Variants in MAPK8 observed in about 807,000 individuals in gnomAD.
MAPK8 encodes JUN N-terminal kinase.
In MAPK8, 13 loss-of-function variants were observed where a neutral mutation model predicts 52.9. The ratio of observed to expected loss-of-function variants is 0.25; its 90% CI spans 0.16 to 0.39. MAPK8 has a LOEUF of 0.39. Among genes scored for constraint, MAPK8 ranks in the 10% least tolerant of loss-of-function variants. The pLI, the probability that MAPK8 is intolerant of heterozygous loss-of-function variation, is 1.00. For synonymous variants in MAPK8, 191 were observed against 169.8 expected (o/e 1.12, Z -0.97); for missense variants, 300 against 519.2 (o/e 0.58, Z 4.10).
At chr10:48,390,933 A>G (rs1361702310) in intron 1 of MAPK8, among the ~76,000 whole-genome samples, 1 of 152,248 alleles carries the variant, frequency 6.6e-6, no homozygotes, top group Non-Finnish European at 1.5e-5. Flanking sequence ...TAGTCTGATA[A>G]TAAAATCTGC....
At chr10:48,341,153 G>A (rs368957979) in intron 1 of MAPK8, among the ~76,000 whole-genome samples, 11 of 152,192 alleles carry the variant, frequency 7.2e-5, no homozygotes, top group African/African-American at 2.2e-4. Context: ...AAGAACTGCT[G>A]TTCTAAAATA....
At chr10:48,416,260 C>T (rs537447440) in intron 5 of MAPK8, among the ~76,000 whole-genome samples, 4 of 152,232 alleles carry the variant, frequency 2.6e-5, no homozygotes, top group South Asian at 2.1e-4. Context: ...GTCACTTTGT[C>T]GGAAAGAGAA....
chr10:48,338,689 C>T (rs1046933335), intron 1 of MAPK8, among the ~76,000 whole-genome samples: 1 of 152,062 alleles, frequency 6.6e-6, no homozygotes, highest in African/African-American at 2.4e-5. Context: ...AAAGATTCCC[C>T]GAAAGACTCC....
chr10:48,354,136 T>A (rs1025761385), intron 1 of MAPK8, among the ~76,000 whole-genome samples: 3 of 152,098 alleles, frequency 2.0e-5, no homozygotes, highest in Admixed American at 1.3e-4. Flanking sequence ...TTCCTTTGAA[T>A]CTAAAATTAT....
rs1402727889 is a variant in MAPK8, at chr10:48,333,270, G to A, written c.-50+26449G>A. Among the ~76,000 whole-genome samples the A allele has an allele frequency of 8.2e-4, 125 of 152,210 alleles. 1 individual carries two copies. The highest frequency in any genetic ancestry group is 1.6e-4 in the Non-Finnish European group (11 of 68,036). On this transcript the variant is annotated intron_variant, in intron 1 of 11. Coordinates refer to ENST00000374189, the MANE Select transcript of MAPK8 (RefSeq NM_001323329.2). ...CTCATATTTTAGAATCCGAGAATCA[G>A]TTAACCATCTTCCAGCTCTTTGATT...
At chr10:48,313,187 C>T (rs1842141566) in intron 1 of MAPK8, among the ~76,000 whole-genome samples, 1 of 152,174 alleles carries the variant, frequency 6.6e-6, no homozygotes, top group Non-Finnish European at 1.5e-5. Context: ...AATCTGAGCA[C>T]TTTGGGAGGC....
intron 1 of MAPK8, among the ~76,000 whole-genome samples, chr10:48,399,233 G>A (rs978195746): frequency 6.6e-6 from 1 of 152,166 alleles, no homozygotes; most frequent in East Asian, 1.9e-4. Flanking sequence ...TTCTGTCCTA[G>A]CTGCAACACT....
intron 1 of MAPK8, among the ~76,000 whole-genome samples, chr10:48,398,163 G>A (rs2041982833): frequency 6.6e-6 from 1 of 151,884 alleles, no homozygotes. Flanking sequence ...AAAATAAAAA[G>A]ACATTGTTAA....
In MAPK8 at chr10:48,436,848, T is replaced by TA. The variant is rs2044887423; in HGVS notation, c.*1820dup. 3.9e-5 allele frequency: 6 copies of TA among 152,340 alleles called. No individual in the cohort carries two copies. The highest frequency in any genetic ancestry group is 1.4e-4 in the African/African-American group (6 of 41,572). The allele number at this position is 152,340 out of a possible 1,614,324, so 9.4% of individuals were successfully genotyped here. A position where few individuals can be genotyped will look rare whatever the true frequency, so the allele number is the denominator to read the frequency against. On this transcript the variant is annotated 3_prime_UTR_variant, in exon 12 of 12. Coordinates refer to ENST00000374189, the MANE Select transcript of MAPK8 (RefSeq NM_001323329.2). ...GGTGCATTAATTTGATTAGGCAAAT[T>TA]AGAGTTCTAAGACACTTCTTGAATT...
intron 1 of MAPK8, among the ~76,000 whole-genome samples, chr10:48,387,568 T>A (rs1239864473): frequency 1.3e-5 from 2 of 152,176 alleles, no homozygotes; most frequent in African/African-American, 2.4e-5. Context: ...CTTATGGTAG[T>A]GACATTTTAT....
intron 1 of MAPK8, among the ~76,000 whole-genome samples, chr10:48,333,682 G>A (rs1844363659): frequency 6.6e-6 from 1 of 152,232 alleles, no homozygotes; most frequent in Non-Finnish European, 1.5e-5. Context: ...AAGAAGAAGG[G>A]GTGGGGACAC....
intron 11 of MAPK8, among the ~76,000 whole-genome samples, chr10:48,432,221 A>G (rs78105709): frequency 6.6e-6 from 1 of 152,342 alleles, no homozygotes; most frequent in East Asian, 1.9e-4. Context: ...TTAATTCCTC[A>G]GAAACTTCTA....
intron 1 of MAPK8, among the ~76,000 whole-genome samples, chr10:48,324,502 A>AGTTTTTTTTTTTTT (rs1843291213): frequency 1.8e-5 from 1 of 54,358 alleles, no homozygotes; most frequent in African/African-American, 1.5e-4. Context: ...CCTGTTTTCT[A>AGTTTTTTTTTTTTT]GTTTTTTTTT....
At chr10:48,350,967 C>T (rs1846265592) in intron 1 of MAPK8, among the ~76,000 whole-genome samples, 1 of 152,104 alleles carries the variant, frequency 6.6e-6, no homozygotes, top group South Asian at 2.1e-4. Context: ...TTCCCATACA[C>T]CAGTAATAGA....
At chr10:48,388,560 A>G (rs964133624) in intron 1 of MAPK8, among the ~76,000 whole-genome samples, 10 of 152,176 alleles carry the variant, frequency 6.6e-5, no homozygotes, top group African/African-American at 1.7e-4. Flanking sequence ...AAACTTACCA[A>G]TGAGACATTC....
In MAPK8 at chr10:48,354,567, G is replaced by A. The variant is rs546309747; in HGVS notation, c.-49-47045G>A. Among the ~76,000 whole-genome samples, 16 of 152,320 alleles carry A rather than the reference G, an allele frequency of 1.1e-4. No individual in the cohort carries two copies. The South Asian group carries it at 3.3e-3, about 32-fold the overall frequency. ...CAAAGATTGCTGGGCAACATCCCCA[G>A]AGTGTAAGATTCAGTAGGTCTGGGG... is the stretch of plus-strand genomic sequence containing the variant. On this transcript the variant is annotated intron_variant, in intron 1 of 11. Coordinates refer to ENST00000374189, the MANE Select transcript of MAPK8 (RefSeq NM_001323329.2).
intron 1 of MAPK8, among the ~76,000 whole-genome samples, chr10:48,382,451 AC>A (rs1279788101): frequency 1.3e-5 from 2 of 152,204 alleles, no homozygotes; most frequent in African/African-American, 4.8e-5. Context: ...ACATAAAAAT[AC>A]AAACATAAGT....
chr10:48,418,482 A>T (rs1233796333), intron 5 of MAPK8, among the ~76,000 whole-genome samples: 2 of 152,186 alleles, frequency 1.3e-5, no homozygotes, highest in African/African-American at 4.8e-5. Flanking sequence ...CCAGGCTGCC[A>T]GAGAATCCTC....
intron 1 of MAPK8, among the ~76,000 whole-genome samples, chr10:48,336,600 A>C (rs1324384067): frequency 6.6e-6 from 1 of 152,228 alleles, no homozygotes; most frequent in Non-Finnish European, 1.5e-5. Flanking sequence ...TCATCAGTTC[A>C]TTGACAAAGT....
Sources: gnomAD v4.1 joint callset for allele counts (sites outside exome capture counted in the v4.1 genomes callset) on GRCh38, gnomAD v4.1.1 for gene constraint, MANE v1.5 for transcripts, NCBI Gene and HGNC (gene_info 2026-07-23, HGNC 2026-07-21) for gene names.